CREB5: variants seen among roughly 807,000 people sequenced by gnomAD.
CREB5 encodes cyclic AMP-responsive element-binding protein 5.
A neutral mutation model predicts 57.1 loss-of-function variants in CREB5; 19 were observed. The ratio of observed to expected loss-of-function variants is 0.33; its 90% CI spans 0.23 to 0.49. The LOEUF (loss-of-function observed/expected upper bound fraction) is 0.49, where lower values mean the gene tolerates loss of function less well. Ranked by LOEUF, CREB5 falls within the 20% of genes least tolerant of loss-of-function variation. CREB5 has a pLI of 0.99. For missense variants in CREB5, 579 were observed against 671.6 expected (o/e 0.86, Z 1.52); for synonymous variants, 238 against 238.3 (o/e 1.00, Z 0.01).
chr7:28,487,039 C>T (rs117736349), intron 1 of CREB5, among the ~76,000 whole-genome samples: 1,967 of 152,186 alleles, frequency 0.013, 14 homozygotes, highest in Non-Finnish European at 0.014. Context: ...ATTTTTGAGA[C>T]GGAGTCTTGC....
chr7:28,450,934 C>A (rs528360075), intron 1 of CREB5, among the ~76,000 whole-genome samples: 16 of 152,248 alleles, frequency 1.1e-4, no homozygotes, highest in African/African-American at 2.9e-4. Flanking sequence ...CCATTCTAGA[C>A]CATTTGCAGG....
chr7:28,322,694 G>A (rs1405529152), intron 1 of CREB5, among the ~76,000 whole-genome samples: 1 of 151,702 alleles, frequency 6.6e-6, no homozygotes, highest in East Asian at 1.9e-4. Flanking sequence ...AGAACATGCA[G>A]TGTTTGGTTT....
intron 5 of CREB5, among the ~76,000 whole-genome samples, chr7:28,602,845 AC>A (rs1025915375): frequency 7.9e-5 from 12 of 152,182 alleles, no homozygotes; most frequent in African/African-American, 2.9e-4. Flanking sequence ...AAATATACAC[AC>A]TCACAAAACT....
chr7:28,377,783 T>A (rs552039310), intron 1 of CREB5, among the ~76,000 whole-genome samples: 10 of 151,286 alleles, frequency 6.6e-5, no homozygotes, highest in African/African-American at 1.9e-4. Flanking sequence ...CAAAAAAAAA[T>A]TAGCTGGGCG....
At chr7:28,764,585 G>A (rs1805852737) in intron 7 of CREB5, among the ~76,000 whole-genome samples, 1 of 152,160 alleles carries the variant, frequency 6.6e-6, no homozygotes, top group African/African-American at 2.4e-5. Flanking sequence ...GAAAGTCTGA[G>A]CTATAATTTG....
chr7:28,381,528 A>AG (rs1443881099), intron 1 of CREB5, among the ~76,000 whole-genome samples: 1 of 152,218 alleles, frequency 6.6e-6, no homozygotes, highest in Non-Finnish European at 1.5e-5. Flanking sequence ...AGAATCAGAC[A>AG]GAAAAAAGTT....
chr7:28,682,376 G>A (rs894704139), intron 5 of CREB5, among the ~76,000 whole-genome samples: 5 of 152,264 alleles, frequency 3.3e-5, no homozygotes, highest in African/African-American at 1.2e-4. Context: ...ATGACACCAT[G>A]TGGGTGTGCA....
rs1248465121 is a variant in CREB5 at position 28,619,509 on chromosome 7, AC to A, written c.464+48974del. Among the ~76,000 whole-genome samples, 3 of 152,274 alleles carry A rather than the reference AC, an allele frequency of 2.0e-5. 1 individual carries two copies. The highest frequency in any genetic ancestry group is 7.2e-5 in the African/African-American group (3 of 41,556). On this transcript the variant is annotated intron_variant, in intron 5 of 10. Coordinates refer to ENST00000357727, the MANE Select transcript of CREB5 (RefSeq NM_182898.4). ...TCCGTCATTCTACACTGAGACAGGC[AC>A]CATCCTCTTCAGTGAGAAAACCACA... is the stretch of plus-strand genomic sequence containing the variant.
chr7:28,491,339 C>A, intron 2 of CREB5: 1 of 734,410 alleles, frequency 1.4e-6, no homozygotes, highest in Non-Finnish European at 1.7e-6. Flanking sequence ...GTGGGGGTGC[C>A]AATTCCTCTG....
intron 10 of CREB5, chr7:28,818,743 T>C (rs1185003403): frequency 4.3e-6 from 2 of 463,518 alleles, no homozygotes; most frequent in South Asian, 1.5e-5. Context: ...GTCAATTTAT[T>C]TTCAAATAAT....
At chr7:28,352,274 T>G (rs368092630) in intron 1 of CREB5, among the ~76,000 whole-genome samples, 11 of 152,330 alleles carry the variant, frequency 7.2e-5, no homozygotes, top group African/African-American at 2.2e-4. Flanking sequence ...GAATGGTCTC[T>G]CTTCCTTGGC....
chr7:28,739,178 T>C (rs57470570), intron 7 of CREB5, among the ~76,000 whole-genome samples: 18,669 of 152,268 alleles, frequency 0.12, 1,407 homozygotes, highest in Admixed American at 0.17. Flanking sequence ...TTCAATACAG[T>C]AGCCTAGTGG....
chr7:28,588,637 C>T (rs966316230), intron 5 of CREB5, among the ~76,000 whole-genome samples: 2 of 152,218 alleles, frequency 1.3e-5, no homozygotes, highest in African/African-American at 4.8e-5. Context: ...CTGTTTTTCT[C>T]TGGGGATACA....
chr7:28,665,622 C>A (rs1018041286), intron 5 of CREB5, among the ~76,000 whole-genome samples: 3 of 152,000 alleles, frequency 2.0e-5, no homozygotes, highest in Non-Finnish European at 4.4e-5. Flanking sequence ...CCATTTTTTT[C>A]TTTTGGTAAG....
In CREB5 at chr7:28,760,038, C is replaced by G. The variant is rs1044704388; in HGVS notation, c.702+35706C>G. 3.3e-5 allele frequency among the ~76,000 whole-genome samples: 5 copies of G among 152,178 alleles called. No homozygotes were observed. In the East Asian group the frequency reaches 9.6e-4, roughly 29 times the overall value. On this transcript the variant is annotated intron_variant, in intron 7 of 10. Transcript: ENST00000357727. ...TCAGTTCTGATGCCCCCTTCATTAG[C>G]TGATGTGCTTTTAAAGGTAGACGCC...
At chr7:28,428,981 A>T (rs1788612987) in intron 1 of CREB5, among the ~76,000 whole-genome samples, 1 of 152,148 alleles carries the variant, frequency 6.6e-6, no homozygotes, top group Non-Finnish European at 1.5e-5. Context: ...CCTCCAAGGC[A>T]CTTAAATCAA....
chr7:28,419,551 C>A (rs1456433806), intron 1 of CREB5, among the ~76,000 whole-genome samples: 2 of 152,126 alleles, frequency 1.3e-5, no homozygotes, highest in Non-Finnish European at 2.9e-5. Flanking sequence ...AAATTTAAAG[C>A]AATTTTAATA....
intron 7 of CREB5, among the ~76,000 whole-genome samples, chr7:28,736,356 A>T (rs1284373475): frequency 6.6e-6 from 1 of 151,580 alleles, no homozygotes; most frequent in African/African-American, 2.4e-5. Flanking sequence ...TTTAGTAAAG[A>T]CGGGGTTTCT....
upstream of CREB5, chr7:28,409,949 C>A (rs979398056): frequency 2.0e-5 from 9 of 453,392 alleles, no homozygotes; most frequent in African/African-American, 1.2e-4. This position sits in a 1 kb window ranked among gnomAD's most constrained non-coding sequence, Gnocchi z 4.4. Context: ...GCAGCGGAGA[C>A]GGCGAGCCAG....
Sources: gnomAD v4.1 joint callset for allele counts (sites outside exome capture counted in the v4.1 genomes callset) on GRCh38, gnomAD v4.1.1 for gene constraint, Gnocchi (gnomAD v3.1) non-coding constraint, MANE v1.5 for transcripts, NCBI Gene and HGNC (gene_info 2026-07-23, HGNC 2026-07-21) for gene names.